The following FCER1G variants were observed in gnomAD, a reference collection of about 807,000 sequenced individuals.
The protein encoded by FCER1G is high affinity immunoglobulin epsilon receptor subunit gamma.
Under a neutral mutation model 17.3 loss-of-function variants are expected in FCER1G, and 7 were observed. That is an observed-to-expected ratio of 0.40 (90% CI 0.23 to 0.76). The LOEUF (loss-of-function observed/expected upper bound fraction) is 0.76, where lower values mean the gene tolerates loss of function less well. Among genes scored for constraint, FCER1G ranks in the 30% least tolerant of loss-of-function variants. FCER1G has a pLI of 0.35. For synonymous variants in FCER1G, 35 were observed against 38.7 expected (o/e 0.90, Z 0.35); for missense variants, 87 against 97.7 (o/e 0.89, Z 0.46).
chr1:161,218,981 T>G lies in FCER1G; in HGVS notation c.*38T>G, dbSNP rs1056475247. On this transcript the variant is annotated 3_prime_UTR_variant, in exon 5 of 5. Transcript: ENST00000289902. ...TGCGGTCATATTCTTCTTTGGCTTCTGGTTCTTCCAGCCCTCATGGTTGGC... is the reference window on the plus strand; with the variant it reads ...TGCGGTCATATTCTTCTTTGGCTTCGGGTTCTTCCAGCCCTCATGGTTGGC... 1.3e-6 allele frequency: 2 copies of G among 1,546,852 alleles called. No individual in the cohort carries two copies. The highest frequency in any genetic ancestry group is 2.7e-5 in the African/African-American group (2 of 73,628).
chr1:161,217,646 T>G (rs1224704683), intron 1 of FCER1G, among the ~76,000 whole-genome samples: 1 of 152,108 alleles, frequency 6.6e-6, no homozygotes, highest in Non-Finnish European at 1.5e-5. Context: ...TCCAGTGGAC[T>G]CAGATGGGTC....
Position 161,218,868 on chromosome 1 carries a change from C to T in FCER1G, c.199-13C>T, listed in dbSNP as rs756543032. 4 of 1,612,652 alleles carry T rather than the reference C, an allele frequency of 2.5e-6. No homozygotes were observed. The highest frequency in any genetic ancestry group is 3.3e-5 in the Admixed American group (2 of 60,008). ...ACTCCAGCTCCTGATCGCCCTTTGA[C>T]TCCCATCTCCAGGGCCTGAGCACCA... On this transcript the variant is annotated splice_polypyrimidine_tract_variant and intron_variant, in intron 4 of 4. Coordinates refer to ENST00000289902, the MANE Select transcript of FCER1G (RefSeq NM_004106.2).
rs1666098980 is a variant in FCER1G at position 161,218,628 on chromosome 1, C to T, written c.178-75C>T. The T allele has an allele frequency of 4.5e-6, 7 of 1,538,838 alleles. No homozygotes were observed. The East Asian group carries it at 1.6e-4, about 35-fold the overall frequency. On this transcript the variant is annotated intron_variant, in intron 3 of 4. Coordinates refer to ENST00000289902, the MANE Select transcript of FCER1G (RefSeq NM_004106.2). ...GCTGGCTGCCCACCCCCCATGCCTC[C>T]CTGGGTGGGGCAGATGCTGAGGGGC...
rs1156294546 is a variant in FCER1G at position 161,215,344 on chromosome 1, T to C, written c.23T>C (p.Leu8Pro). MIPAVVL[L>P]LLLLVEQAAA... ...AAGATGATTCCAGCAGTGGTCTTGC[T>C]CTTACTCCTTTTGGTTGAACAAGCA... is the stretch of plus-strand genomic sequence containing the variant. The change falls in exon 1 of 5, where the codon CTC becomes CCC. Residue 8 changes from leucine to proline, a missense_variant. Physicochemically the swap from Leu to Pro is moderately conservative, Grantham distance 98. Coordinates refer to ENST00000289902, the MANE Select transcript of FCER1G (RefSeq NM_004106.2). The C allele has an allele frequency of 4.3e-6, 7 of 1,613,690 alleles. No individual in the cohort carries two copies. In the East Asian group the frequency reaches 1.1e-4, roughly 26 times the overall value.
chr1:161,218,199 C>A (rs902629775), intron 2 of FCER1G, 42 bp from the exon 3 acceptor site: 3 of 1,589,530 alleles, frequency 1.9e-6, no homozygotes, highest in Non-Finnish European at 2.6e-6. Flanking sequence ...GGGGGATGGG[C>A]CATTAACTTA....
At chr1:161,218,175 A>G in intron 2 of FCER1G, 66 bp from the exon 3 acceptor site, 1 of 1,543,638 alleles carries the variant, frequency 6.5e-7, no homozygotes, top group Non-Finnish European at 9.0e-7. Flanking sequence ...ATCCTCCACA[A>G]AGTTTGGAGG....
chr1:161,216,290 G>A (rs1666043975), intron 1 of FCER1G, among the ~76,000 whole-genome samples: 1 of 150,056 alleles, frequency 6.7e-6, no homozygotes, highest in Non-Finnish European at 1.5e-5. Flanking sequence ...CTAGCCTGGG[G>A]GACAGAGTGA....
At chr1:161,216,253 A>G (rs1020696264) in intron 1 of FCER1G, among the ~76,000 whole-genome samples, 8 of 151,496 alleles carry the variant, frequency 5.3e-5, no homozygotes, top group African/African-American at 1.7e-4. Context: ...TGGAGGTTGC[A>G]GTGAGCCAAG....
intron 3 of FCER1G, 48 bp downstream of exon 3, chr1:161,218,324 C>G (rs1666090960): frequency 6.6e-7 from 1 of 1,525,166 alleles, no homozygotes; most frequent in Non-Finnish European, 9.1e-7. Flanking sequence ...AGACCCTCAG[C>G]CCTCCTGGGG....
chr1:161,218,917 C>G lies in FCER1G; in HGVS notation c.235C>G (p.Leu79Val), dbSNP rs1272124230. 1.9e-6 allele frequency: 3 copies of G among 1,613,988 alleles called. No homozygotes were observed. The East Asian group carries it at 6.7e-5, about 36-fold the overall frequency. ...CAGGAACCAGGAGACTTACGAGACT[C>G]TGAAGCATGAGAAACCACCACAGTA... ...STRNQETYETLKHEKPPQ is the reference protein window; with the variant it reads ...STRNQETYETVKHEKPPQ Residue 79 changes from leucine (L) to valine (V), a missense_variant, in exon 5 of 5, where the codon CTG (leucine) becomes GTG (valine). By Grantham distance (32) the Leu-to-Val change is conservative. Coordinates refer to ENST00000289902, the MANE Select transcript of FCER1G (RefSeq NM_004106.2).
chr1:161,215,656 A>C (rs1666020824), intron 1 of FCER1G, among the ~76,000 whole-genome samples: 2 of 152,072 alleles, frequency 1.3e-5, no homozygotes, highest in Admixed American at 6.5e-5. Flanking sequence ...GCAGTGGCGC[A>C]ATCTCTACTC....
chr1:161,218,778 G>C, intron 4 of FCER1G, 55 bp downstream of exon 4: 1 of 1,608,902 alleles, frequency 6.2e-7, no homozygotes, highest in Non-Finnish European at 8.5e-7. Context: ...GTGGGATTTT[G>C]AGCGATCTTT....
chr1:161,219,104 T>C lies in FCER1G; in HGVS notation c.*161T>C. 1 of 624,780 alleles carries C rather than the reference T, an allele frequency of 1.6e-6. No individual in the cohort carries two copies. Among genetic ancestry groups the C allele is most frequent in the Non-Finnish European group, 2.9e-6 (1 of 344,390 alleles). The allele number at this position is 624,780 out of a possible 1,614,324, so 38.7% of individuals were successfully genotyped here. ...TACACCAGTGGTTCCTCCTCCCTGT[T>C]AAAGACTAATGCTCAGATGCTGTTT... On this transcript the variant is annotated 3_prime_UTR_variant, in exon 5 of 5. Coordinates refer to ENST00000289902, the MANE Select transcript of FCER1G (RefSeq NM_004106.2).
chr1:161,216,108 A>T (rs1312911554), intron 1 of FCER1G, among the ~76,000 whole-genome samples: 1 of 151,902 alleles, frequency 6.6e-6, no homozygotes, highest in South Asian at 2.1e-4. Context: ...CATGATGAGC[A>T]TTTCCCATGG....
intron 1 of FCER1G, among the ~76,000 whole-genome samples, chr1:161,216,497 G>A (rs539308949): frequency 6.6e-6 from 1 of 150,726 alleles, no homozygotes; most frequent in East Asian, 1.9e-4. Context: ...TGGGAGTAAG[G>A]CAAGGATATA....
chr1:161,218,801 G>A, intron 4 of FCER1G, 78 bp downstream of exon 4: 3 of 1,586,520 alleles, frequency 1.9e-6, no homozygotes, highest in Middle Eastern at 1.7e-4. Flanking sequence ...AAGGCCGGTG[G>A]GGGGAGGGGG....
intron 1 of FCER1G, among the ~76,000 whole-genome samples, chr1:161,216,411 C>CATAT (rs71090369): frequency 5.4e-4 from 70 of 129,790 alleles, no homozygotes; most frequent in South Asian, 2.1e-3. Flanking sequence ...CACACACACA[C>CATAT]ATATATATAT....
chr1:161,218,786 T>C, intron 4 of FCER1G, 63 bp downstream of exon 4: 1 of 1,604,280 alleles, frequency 6.2e-7, no homozygotes, highest in Non-Finnish European at 8.5e-7. Context: ...TTGAGCGATC[T>C]TTGGAAGGCC....
chr1:161,218,798 GT>G, intron 4 of FCER1G, 75 bp downstream of exon 4: 2 of 1,591,832 alleles, frequency 1.3e-6, no homozygotes, highest in Non-Finnish European at 1.7e-6. Flanking sequence ...TGGAAGGCCG[GT>G]GGGGGGAGGG....
Sources: gnomAD v4.1 joint callset for allele counts (sites outside exome capture counted in the v4.1 genomes callset) on GRCh38, gnomAD v4.1.1 for gene constraint, MANE v1.5 for transcripts, NCBI Gene and HGNC (gene_info 2026-07-23, HGNC 2026-07-21) for gene names.